The following CAVIN1 variants were observed in gnomAD, a reference collection of about 807,000 sequenced individuals.
The protein encoded by CAVIN1 is caveolae associated protein 1.
CAVIN1 carries 16 observed loss-of-function variants against 24.0 expected under a neutral mutation model. That is an observed-to-expected ratio of 0.67 (90% CI 0.45 to 1.01). The LOEUF (loss-of-function observed/expected upper bound fraction) is 1.01, where lower values mean the gene tolerates loss of function less well. Among genes scored for constraint, CAVIN1 ranks in the 50% least tolerant of loss-of-function variants. The pLI is 0.00. For synonymous variants in CAVIN1, 256 were observed against 256.4 expected, an observed-to-expected ratio of 1.00 and a Z score of 0.02; for missense variants, 510 against 551.7, an observed-to-expected ratio of 0.92 and a Z score of 0.76.
At position 42,423,194 on chromosome 17, in the gene CAVIN1, C is replaced by A; in HGVS notation, c.-97G>T. The A allele has an allele frequency of 9.7e-7, 1 of 1,036,252 alleles. No individual in the cohort carries two copies. Among genetic ancestry groups the A allele is most frequent in the Non-Finnish European group, 1.4e-6 (1 of 723,634 alleles). The allele number at this position is 1,036,252 out of a possible 1,614,324, so 64.2% of individuals were successfully genotyped here. On this transcript the variant is annotated 5_prime_UTR_variant, in exon 1 of 2. Transcript: ENST00000357037. ...AGCGGAAGGGAGGAGAGCTAGCGGG[C>A]GAGAGCGGAGAGCAGAGGAAACTCG...
chr17:42,410,467 T>A (rs1307899902), intron 1 of CAVIN1, among the ~76,000 whole-genome samples: 1 of 152,016 alleles, frequency 6.6e-6, no homozygotes, highest in Non-Finnish European at 1.5e-5. Flanking sequence ...TGAAATTGCA[T>A]CCAAAAGGGT....
At position 42,423,203 on chromosome 17, in the gene CAVIN1, A is replaced by G; in HGVS notation, c.-106T>C. The G allele has an allele frequency of 1.0e-6, 1 of 958,710 alleles. No individual in the cohort carries two copies. The highest frequency in any genetic ancestry group is 1.5e-6 in the Non-Finnish European group (1 of 656,176). The allele number at this position is 958,710 out of a possible 1,614,324, so 59.4% of individuals were successfully genotyped here. A position where few individuals can be genotyped will look rare whatever the true frequency, so the allele number is the denominator to read the frequency against. On this transcript the variant is annotated 5_prime_UTR_variant, in exon 1 of 2. Coordinates refer to ENST00000357037, the MANE Select transcript of CAVIN1 (RefSeq NM_012232.6). ...GAGGAGAGCTAGCGGGCGAGAGCGG[A>G]GAGCAGAGGAAACTCGAGCCACGTC...
chr17:42,405,478 G>A (rs1598570812), intron 1 of CAVIN1, 90 bp from the exon 2 acceptor site: 1 of 1,352,904 alleles, frequency 7.4e-7, no homozygotes, highest in Non-Finnish European at 1.0e-6. Flanking sequence ...CTGGAGAGAG[G>A]GGAGCATGGG....
At position 42,403,324 on chromosome 17, in the gene CAVIN1, G is replaced by C. The variant is rs2085423322; in HGVS notation, c.*1363C>G. 6.6e-6 allele frequency: 1 copy of C among 152,444 alleles called. No homozygotes were observed. Among genetic ancestry groups the C allele is most frequent in the Non-Finnish European group, 1.5e-5 (1 of 68,062 alleles). The allele number at this position is 152,444 out of a possible 1,614,324, so 9.4% of individuals were successfully genotyped here. ...CACCTCCCCTCCAGCTCTCAACTTG[G>C]TGGCAGGGCCGGCACCCTGCTCTCC... On this transcript the variant is annotated 3_prime_UTR_variant, in exon 2 of 2. Transcript: ENST00000357037.
chr17:42,408,507 T>C (rs1025647118), intron 1 of CAVIN1, among the ~76,000 whole-genome samples: 1 of 152,140 alleles, frequency 6.6e-6, no homozygotes, highest in East Asian at 1.9e-4. Context: ...TTTGTTTTTT[T>C]TGAGATGGAG....
chr17:42,416,211 T>C (rs1462607649), intron 1 of CAVIN1, among the ~76,000 whole-genome samples: 7 of 151,922 alleles, frequency 4.6e-5, no homozygotes, highest in Admixed American at 3.9e-4. Context: ...CTGCTAAAAA[T>C]ACAAAAATTA....
chr17:42,412,118 T>C, intron 1 of CAVIN1: 1 of 985,318 alleles, frequency 1.0e-6, no homozygotes, highest in Non-Finnish European at 1.2e-6. Context: ...GGCAGTGCCC[T>C]AGGCGTCTGG....
intron 1 of CAVIN1, chr17:42,411,529 AG>A (rs1425147048): frequency 1.2e-5 from 12 of 985,294 alleles, no homozygotes; most frequent in Non-Finnish European, 1.4e-5. Flanking sequence ...CACCCAAGGC[AG>A]GATCTGGCAA....
rs1268468041 is a variant in CAVIN1 at position 42,405,699 on chromosome 17, T to TTG, written c.472-312_472-311insCA. Among the ~76,000 whole-genome samples, 76 of 149,306 alleles carry TTG rather than the reference T, an allele frequency of 5.1e-4. No homozygotes were observed. The South Asian group carries it at 9.8e-3, about 19-fold the overall frequency. ...CTCTCCTTGTTTTTTTTTTTTTTTT[T>TTG]TTTTTTAAACGGAGTCTCGATCTGT... is the stretch of plus-strand genomic sequence containing the variant. On this transcript the variant is annotated intron_variant, in intron 1 of 1. Transcript: ENST00000357037.
chr17:42,420,150 T>C (rs1394267894), intron 1 of CAVIN1, among the ~76,000 whole-genome samples: 3 of 152,078 alleles, frequency 2.0e-5, no homozygotes, highest in Non-Finnish European at 4.4e-5. Context: ...CCTTCCCCTA[T>C]GGCCCCTCCA....
At chr17:42,406,253 G>A (rs1373639933) in intron 1 of CAVIN1, among the ~76,000 whole-genome samples, 2 of 152,214 alleles carry the variant, frequency 1.3e-5, no homozygotes, top group Admixed American at 1.3e-4. Flanking sequence ...CCCGAGCCAG[G>A]CCGAAAAGCA....
chr17:42,405,009 G>A lies in CAVIN1; in HGVS notation c.851C>T (p.Ala284Val). The A allele has an allele frequency of 6.2e-7, 1 of 1,614,138 alleles. No individual in the cohort carries two copies. Among genetic ancestry groups the A allele is most frequent in the Non-Finnish European group, 8.5e-7 (1 of 1,180,004 alleles). Residue 284 changes from alanine (A) to valine (V), a missense_variant, in exon 2 of 2, where the codon GCC becomes GTC. Physicochemically the swap from Ala to Val is moderately conservative, Grantham distance 64 (BLOSUM62 0). Transcript: ENST00000357037. Reference sequence around the variant, plus strand: ...CGTCTTCAGTTTCTCGCGCCGCTCGGCGGGCACCAGGCGCGTGCCCAGCTT... The same window carrying A: ...CGTCTTCAGTTTCTCGCGCCGCTCGACGGGCACCAGGCGCGTGCCCAGCTT... ...MNKLGTRLVP[A>V]ERREKLKTSR...
chr17:42,419,002 G>A (rs758007471), intron 1 of CAVIN1, among the ~76,000 whole-genome samples: 5 of 152,016 alleles, frequency 3.3e-5, no homozygotes, highest in African/African-American at 9.7e-5. Flanking sequence ...GATCAGCCTG[G>A]GCAACTAAGT....
intron 1 of CAVIN1, among the ~76,000 whole-genome samples, chr17:42,409,301 A>G (rs1236106288): frequency 6.6e-6 from 1 of 151,750 alleles, no homozygotes; most frequent in Non-Finnish European, 1.5e-5. Flanking sequence ...GAGTCTCACT[A>G]TGTTGCCCAG....
intron 1 of CAVIN1, among the ~76,000 whole-genome samples, chr17:42,408,853 C>T (rs9709259): frequency 0.74 from 105,956 of 143,470 alleles, 41,487 homozygotes; most frequent in East Asian, 0.96. Flanking sequence ...TGCAGTGGCG[C>T]GATCTCGGCT....
In CAVIN1 at chr17:42,422,678, G is replaced by A. The variant is rs2145490135; in HGVS notation, c.420C>T (p.Val140=). ...RQAGQIKKLE[V]NEAELLRRRN... ...GGCGCCGCAGCAGCTCGGCCTCGTTGACCTCCAGCTTCTTGATCTGCCCCG... is the reference window on the plus strand; with the variant it reads ...GGCGCCGCAGCAGCTCGGCCTCGTTAACCTCCAGCTTCTTGATCTGCCCCG... The change falls in exon 1 of 2, where the codon GTC becomes GTT. Residue 140 remains valine, a synonymous_variant. Coordinates refer to ENST00000357037, the MANE Select transcript of CAVIN1 (RefSeq NM_012232.6). 1 of 1,606,028 alleles carries A rather than the reference G, an allele frequency of 6.2e-7. No individual in the cohort carries two copies. Among genetic ancestry groups the A allele is most frequent in the Admixed American group, 1.7e-5 (1 of 58,830 alleles).
Position 42,404,639 on chromosome 17 carries a change from G to A in CAVIN1, c.*48C>T, listed in dbSNP as rs530328827. ...TCGAGCCGAGAGAGAATGCGAAAGA[G>A]GAAGTTCGGAAGGAGCGAGGAATGG... On this transcript the variant is annotated 3_prime_UTR_variant, in exon 2 of 2. Transcript: ENST00000357037. The A allele has an allele frequency of 3.4e-5, 43 of 1,259,714 alleles. No individual in the cohort carries two copies. In the East Asian group the frequency reaches 1.2e-3, roughly 36 times the overall value. 78.0% of individuals were successfully genotyped at this position (1,259,714 alleles called of 1,614,324 possible). A position where few individuals can be genotyped will look rare whatever the true frequency, so the allele number is the denominator to read the frequency against.
chr17:42,409,539 G>A (rs1386553013), intron 1 of CAVIN1, among the ~76,000 whole-genome samples: 2 of 152,146 alleles, frequency 1.3e-5, no homozygotes, highest in African/African-American at 4.8e-5. Context: ...AAGGTCAGGG[G>A]ACAGGAGACG....
Position 42,404,679 on chromosome 17 carries a change from G to A in CAVIN1, c.*8C>T. 7.0e-7 allele frequency: 1 copy of A among 1,437,148 alleles called. No homozygotes were observed. The highest frequency in any genetic ancestry group is 1.4e-5 in the South Asian group (1 of 69,582). The allele number at this position is 1,437,148 out of a possible 1,614,324, so 89.0% of individuals were successfully genotyped here. A position where few individuals can be genotyped will look rare whatever the true frequency, so the allele number is the denominator to read the frequency against. ...GCGAGGAATGGGGTGGGTGGCAGCG[G>A]GGGCGGCTCAGTCGCTGTCGCTCTT... On this transcript the variant is annotated 3_prime_UTR_variant, in exon 2 of 2. Coordinates refer to ENST00000357037, the MANE Select transcript of CAVIN1 (RefSeq NM_012232.6).
Sources: gnomAD v4.1 joint callset for allele counts (sites outside exome capture counted in the v4.1 genomes callset) on GRCh38, gnomAD v4.1.1 for gene constraint, MANE v1.5 for transcripts, NCBI Gene and HGNC (gene_info 2026-07-23, HGNC 2026-07-21) for gene names.